The following CPQ variants were observed in gnomAD, a reference collection of about 807,000 sequenced individuals.
The protein encoded by CPQ is Ser-Met dipeptidase.
A neutral mutation model predicts 45.7 loss-of-function variants in CPQ; 37 were observed. The ratio of observed to expected loss-of-function variants is 0.81; its 90% CI spans 0.62 to 1.07. The LOEUF is 1.07. Ranked by LOEUF, CPQ falls within the 50% of genes least tolerant of loss-of-function variation. The pLI, the probability that CPQ is intolerant of heterozygous loss-of-function variation, is 0.00. For synonymous variants in CPQ, 186 were observed against 205.8 expected, an observed-to-expected ratio of 0.90 and a Z score of 0.82; for missense variants, 537 against 572.9, an observed-to-expected ratio of 0.94 and a Z score of 0.64.
intron 7 of CPQ, among the ~76,000 whole-genome samples, chr8:97,142,021 AC>A (rs1234901640): frequency 7.9e-5 from 12 of 152,318 alleles, no homozygotes; most frequent in African/African-American, 2.9e-4. Context: ...GCTAGTGGGT[AC>A]CTCTGGAGGG....
chr8:96,967,012 A>C (rs541868589), intron 5 of CPQ, among the ~76,000 whole-genome samples: 1 of 152,218 alleles, frequency 6.6e-6, no homozygotes, highest in Non-Finnish European at 1.5e-5. Flanking sequence ...GGTTTGAGAG[A>C]GAAGTTATCC....
chr8:96,927,660 AC>A (rs1251394188), intron 4 of CPQ, among the ~76,000 whole-genome samples: 4 of 152,044 alleles, frequency 2.6e-5, no homozygotes, highest in African/African-American at 9.6e-5. Flanking sequence ...AGTGCTGAAA[AC>A]CCTATGCTGT....
At chr8:96,935,278 C>G (rs771813805) in intron 4 of CPQ, among the ~76,000 whole-genome samples, 1 of 152,182 alleles carries the variant, frequency 6.6e-6, no homozygotes, top group African/African-American at 2.4e-5. Flanking sequence ...ATCCTACCAT[C>G]TTGGCATCCC....
At chr8:96,896,662 A>G (rs1225188661) in intron 4 of CPQ, among the ~76,000 whole-genome samples, 1 of 152,154 alleles carries the variant, frequency 6.6e-6, no homozygotes, top group African/African-American at 2.4e-5. Context: ...TTACACACCC[A>G]TATACAATGT....
At chr8:96,696,596 G>T (rs1809388193) in intron 1 of CPQ, among the ~76,000 whole-genome samples, 1 of 151,406 alleles carries the variant, frequency 6.6e-6, no homozygotes, top group Admixed American at 6.6e-5. Flanking sequence ...TTGGTTTTGT[G>T]AAAAGATAAA....
intron 2 of CPQ, among the ~76,000 whole-genome samples, chr8:96,811,571 T>G (rs1199620435): frequency 6.6e-6 from 1 of 152,136 alleles, no homozygotes; most frequent in African/African-American, 2.4e-5. Context: ...TTTGCTGGTA[T>G]AGTATATTAT....
At chr8:96,771,745 C>T (rs1032707968) in intron 1 of CPQ, among the ~76,000 whole-genome samples, 4 of 152,122 alleles carry the variant, frequency 2.6e-5, no homozygotes, top group Non-Finnish European at 5.9e-5. Context: ...AACTATTATT[C>T]GGTGTAGAAT....
At chr8:96,808,762 T>C (rs546793768) in intron 2 of CPQ, among the ~76,000 whole-genome samples, 1 of 152,314 alleles carries the variant, frequency 6.6e-6, no homozygotes, top group Non-Finnish European at 1.5e-5. Flanking sequence ...TGACCAACAT[T>C]GTTAACTTCT....
chr8:96,927,987 T>C (rs959856870), intron 4 of CPQ, among the ~76,000 whole-genome samples: 1 of 152,280 alleles, frequency 6.6e-6, no homozygotes, highest in Admixed American at 6.5e-5. Context: ...ACAATGCAGT[T>C]GTGACTTCCC....
At chr8:97,002,459 G>A (rs1809301345) in intron 5 of CPQ, among the ~76,000 whole-genome samples, 3 of 152,140 alleles carry the variant, frequency 2.0e-5, no homozygotes, top group Admixed American at 2.0e-4. Context: ...CTGGTACGTT[G>A]CATCTTTGTT....
At chr8:96,747,208 T>C (rs1810198454) in intron 1 of CPQ, among the ~76,000 whole-genome samples, 1 of 151,756 alleles carries the variant, frequency 6.6e-6, no homozygotes, top group Non-Finnish European at 1.5e-5. Flanking sequence ...GGAGAATCGC[T>C]TGAACCCAGG....
At chr8:97,119,122 A>C (rs1443449624) in intron 7 of CPQ, among the ~76,000 whole-genome samples, 1 of 152,060 alleles carries the variant, frequency 6.6e-6, no homozygotes, top group African/African-American at 2.4e-5. Context: ...TGAGGTCAGG[A>C]GTTAAAGACC....
intron 6 of CPQ, 59 bp downstream of exon 6, chr8:97,029,553 T>A: frequency 6.9e-7 from 1 of 1,441,560 alleles, no homozygotes; most frequent in East Asian, 2.4e-5. Flanking sequence ...AAAATCCCTC[T>A]CATTGTCCAT....
chr8:97,030,370 C>T (rs1384744650), intron 6 of CPQ, among the ~76,000 whole-genome samples: 1 of 143,948 alleles, frequency 6.9e-6, no homozygotes, highest in Non-Finnish European at 1.5e-5. Context: ...TATTTTTGAC[C>T]TTTTTTTTTT....
intron 6 of CPQ, among the ~76,000 whole-genome samples, chr8:97,033,658 T>C (rs770118761): frequency 6.6e-6 from 1 of 152,080 alleles, no homozygotes; most frequent in Non-Finnish European, 1.5e-5. Context: ...TCTGGCAGTC[T>C]TTAATAATAA....
At chr8:97,060,892 G>A (rs770028390) in intron 6 of CPQ, among the ~76,000 whole-genome samples, 1 of 152,138 alleles carries the variant, frequency 6.6e-6, no homozygotes, top group Non-Finnish European at 1.5e-5. Flanking sequence ...CCCAGTGACA[G>A]CTATTCATTC....
At chr8:97,002,707 C>T (rs193299677) in intron 5 of CPQ, among the ~76,000 whole-genome samples, 12 of 152,132 alleles carry the variant, frequency 7.9e-5, no homozygotes, top group African/African-American at 2.4e-4. Flanking sequence ...TGCCATGTGG[C>T]GATGAGAAGA....
At chr8:97,017,065 A>T (rs1809592835) in intron 5 of CPQ, among the ~76,000 whole-genome samples, 1 of 152,320 alleles carries the variant, frequency 6.6e-6, no homozygotes, top group East Asian at 1.9e-4. Flanking sequence ...AGACACCCCA[A>T]ATACTGTAAG....
intron 5 of CPQ, among the ~76,000 whole-genome samples, chr8:96,998,922 T>C (rs996565884): frequency 6.6e-6 from 1 of 152,146 alleles, no homozygotes; most frequent in Middle Eastern, 3.4e-3. Context: ...AATAGCTTAT[T>C]AAACGAAGAA....
Sources: allele counts gnomAD v4.1 joint callset (sites outside exome capture counted in the v4.1 genomes callset), GRCh38; gene constraint gnomAD v4.1.1; transcripts MANE v1.5; gene names NCBI Gene and HGNC (gene_info 2026-07-23, HGNC 2026-07-21).